Variants in CCT6A observed in about 807,000 individuals in gnomAD.
CCT6A encodes chaperonin containing TCP1 subunit 6A.
A neutral mutation model predicts 58.6 loss-of-function variants in CCT6A; 6 were observed. The ratio of observed to expected loss-of-function variants is 0.10; its 90% CI spans 0.06 to 0.20. CCT6A has a LOEUF of 0.20. Among genes scored for constraint, CCT6A ranks in the 10% least tolerant of loss-of-function variants. The pLI, the probability that CCT6A is intolerant of heterozygous loss-of-function variation, is 1.00. For synonymous variants in CCT6A, 245 were observed against 227.8 expected (o/e 1.08, Z -0.68); for missense variants, 516 against 648.8 (o/e 0.80, Z 2.22).
At chr7:56,057,491 A>G (rs551415607) in intron 5 of CCT6A, among the ~76,000 whole-genome samples, 1 of 152,182 alleles carries the variant, frequency 6.6e-6, no homozygotes, top group South Asian at 2.1e-4. Flanking sequence ...GGTGCTTGGT[A>G]GAAAACATGT....
At chr7:56,062,231 G>A (rs1254398766) in intron 12 of CCT6A, among the ~76,000 whole-genome samples, 1 of 152,204 alleles carries the variant, frequency 6.6e-6, no homozygotes, top group Non-Finnish European at 1.5e-5. Flanking sequence ...CAGAAAAGGG[G>A]ATGTAGAAAT....
chr7:56,052,017 G>A (rs1015559536), intron 1 of CCT6A, 32 bp downstream of exon 1: 1 of 1,420,654 alleles, frequency 7.0e-7, no homozygotes, highest in Non-Finnish European at 9.2e-7. Flanking sequence ...GGGCCGGGCG[G>A]GCACCGCGCG....
intron 11 of CCT6A, 38 bp from the exon 12 acceptor site, chr7:56,061,694 TACTATCAGTTATTAG>T: frequency 2.4e-6 from 1 of 409,622 alleles, no homozygotes; most frequent in Non-Finnish European, 4.4e-6. Context: ...TTTTTTTTTT[TACTATCAGTTATTAG>T]TTCCTGTTTT....
rs993011198 is a variant in CCT6A at position 56,063,714 on chromosome 7, T to A, written c.*629T>A. 2 of 156,850 alleles carry A rather than the reference T, an allele frequency of 1.3e-5. No homozygotes were observed. Among genetic ancestry groups the A allele is most frequent in the Non-Finnish European group, 2.8e-5 (2 of 71,088 alleles). 9.7% of individuals were successfully genotyped at this position (156,850 alleles called of 1,614,324 possible). ...AGAACAGGCAGAGGTAAAAAGATGA[T>A]GGAAGGTGTGGTGACTAAGGGCCAC... On this transcript the variant is annotated 3_prime_UTR_variant, in exon 14 of 14. Coordinates refer to ENST00000275603, the MANE Select transcript of CCT6A (RefSeq NM_001762.4).
At chr7:56,061,295 G>T (rs975706782) in intron 11 of CCT6A, among the ~76,000 whole-genome samples, 2 of 151,678 alleles carry the variant, frequency 1.3e-5, no homozygotes, top group Non-Finnish European at 2.9e-5. Context: ...TGGGTTTGGG[G>T]TAGTTGAGAG....
In CCT6A at chr7:56,058,486, G is replaced by A. The variant is rs766996972; in HGVS notation, c.850G>A (p.Asp284Asn). ...IIELKRKVCGDSDKGFVVINQ... is the reference protein window; with the variant it reads ...IIELKRKVCGNSDKGFVVINQ... ...AGAACTGAAAAGGAAAGTCTGTGGC[G>A]ATTCAGATAAAGGATTTGTTGTTAT... The change falls in exon 7 of 14, where the codon GAT becomes AAT. Residue 284 changes from aspartate to asparagine, a missense_variant. This residue lies in a region of CCT6A where 315 missense variants were observed against 389.4 expected (regional missense o/e 0.81). Transcript: ENST00000275603. 8.8e-6 allele frequency: 14 copies of A among 1,595,678 alleles called. No individual in the cohort carries two copies. Among genetic ancestry groups the A allele is most frequent in the Admixed American group, 7.4e-5 (4 of 54,106 alleles).
chr7:56,052,368 T>G, intron 1 of CCT6A, 54 bp from the exon 2 acceptor site: 1 of 1,527,392 alleles, frequency 6.5e-7, no homozygotes, highest in African/African-American at 1.4e-5. Context: ...CTAATGGGAC[T>G]TTTAGTTATC....
intron 11 of CCT6A, 125 bp downstream of exon 11, chr7:56,061,065 T>A: frequency 9.9e-7 from 1 of 1,006,784 alleles, no homozygotes; most frequent in Non-Finnish European, 1.4e-6. Flanking sequence ...TTTCTGACTC[T>A]AGAACAGGTA....
Position 56,060,378 on chromosome 7 carries a change from G to A in CCT6A, c.1175G>A (p.Arg392Lys). The change falls in exon 10 of 14, where the codon AGG becomes AAG. Residue 392 changes from arginine to lysine, a missense_variant. By Grantham distance (26) the Arg-to-Lys change is conservative. This residue lies in a region of CCT6A where 315 missense variants were observed against 389.4 expected (regional missense o/e 0.81). Coordinates refer to ENST00000275603, the MANE Select transcript of CCT6A (RefSeq NM_001762.4). ...HTLTQIKDAVRDGLRAVKNAI... is the reference protein window; with the variant it reads ...HTLTQIKDAVKDGLRAVKNAI... ...CTCACTCAGATCAAAGATGCAGTGA[G>A]GGACGGCTTGAGGGCTGTCAAAAAT... 1 of 1,614,086 alleles carries A rather than the reference G, an allele frequency of 6.2e-7. No individual in the cohort carries two copies. Among genetic ancestry groups the A allele is most frequent in the Non-Finnish European group, 8.5e-7 (1 of 1,179,968 alleles).
chr7:56,060,671 C>T (rs1338867164), intron 10 of CCT6A, 136 bp from the exon 11 acceptor site: 1 of 1,180,406 alleles, frequency 8.5e-7, no homozygotes, highest in African/African-American at 1.5e-5. Context: ...GAACCATTCT[C>T]CTATTTGGTA....
chr7:56,060,213 C>G, intron 9 of CCT6A, 56 bp from the exon 10 acceptor site: 2 of 1,496,722 alleles, frequency 1.3e-6, no homozygotes, highest in Non-Finnish European at 1.9e-6. Context: ...AGTCCCTCTT[C>G]TCTCTTCACT....
At chr7:56,058,274 G>T (rs1216809254) in intron 6 of CCT6A, 88 bp from the exon 7 acceptor site, 2 of 1,032,614 alleles carry the variant, frequency 1.9e-6, no homozygotes, top group East Asian at 2.5e-5. Flanking sequence ...GGAGCTCAGT[G>T]AACTGTTAAA....
chr7:56,059,618 G>T lies in CCT6A; in HGVS notation c.1043G>T (p.Gly348Val), dbSNP rs906209935. The change falls in exon 9 of 14, where the codon GGA becomes GTA. Residue 348 changes from glycine to valine, a missense_variant. Coordinates refer to ENST00000275603, the MANE Select transcript of CCT6A (RefSeq NM_001762.4). ...DLSPDCLGHA[G>V]LVYEYTLGEE... ...AGTCCTGACTGCTTGGGACATGCAG[G>T]ACTTGTATATGAGTATACATTGGTA... 6.4e-7 allele frequency: 1 copy of T among 1,559,846 alleles called. No individual in the cohort carries two copies. The highest frequency in any genetic ancestry group is 8.8e-7 in the Non-Finnish European group (1 of 1,130,748).
chr7:56,063,076 G>A lies in CCT6A; in HGVS notation c.1587G>A (p.Leu529=). 1 of 1,605,852 alleles carries A rather than the reference G, an allele frequency of 6.2e-7. No homozygotes were observed. The highest frequency in any genetic ancestry group is 8.5e-7 in the Non-Finnish European group (1 of 1,172,542). Residue 529 remains leucine, a synonymous_variant, in exon 14 of 14, where the codon CTG becomes CTA. Transcript: ENST00000275603. ...DEIMRAGMSS[L]KG is the part of the protein sequence containing the mutation. ...TCATGCGAGCTGGAATGTCTTCTCT[G>A]AAAGGTTGAATTGAAGCTTCCTCTG...
At position 56,063,793 on chromosome 7, in the gene CCT6A, A is replaced by G; in HGVS notation, c.*708A>G. 1 of 159,834 alleles carries G rather than the reference A, an allele frequency of 6.3e-6. No homozygotes were observed. Among genetic ancestry groups the G allele is most frequent in the Non-Finnish European group, 1.4e-5 (1 of 72,844 alleles). 9.9% of individuals were successfully genotyped at this position (159,834 alleles called of 1,614,324 possible). On this transcript the variant is annotated 3_prime_UTR_variant, in exon 14 of 14. Coordinates refer to ENST00000275603, the MANE Select transcript of CCT6A (RefSeq NM_001762.4). ...GCCAACTGTATTTTCAAGCTTCTGAACTTAGGCAAAATATTCATCGCAAAG... is the reference window on the plus strand; with the variant it reads ...GCCAACTGTATTTTCAAGCTTCTGAGCTTAGGCAAAATATTCATCGCAAAG...
At chr7:56,055,854 A>G (rs1794293794) in intron 4 of CCT6A, 57 bp downstream of exon 4, 11 of 1,288,810 alleles carry the variant, frequency 8.5e-6, no homozygotes, top group Non-Finnish European at 1.1e-5. Context: ...AAAATCTCTG[A>G]TAGTAGAAAC....
Position 56,061,820 on chromosome 7 carries a change from G to A in CCT6A, c.1421G>A (p.Gly474Asp), listed in dbSNP as rs1794447079. ...ATTCAAGCAGAACATTCAGAATCAG[G>A]TCAGCTTGTGGGTGTGGACCTGAAC... ...VKIQAEHSES[G>D]QLVGVDLNTG... is the part of the protein sequence containing the mutation. The change falls in exon 12 of 14, where the codon GGT becomes GAT. Residue 474 changes from glycine (G) to aspartate (D), a missense_variant. Coordinates refer to ENST00000275603, the MANE Select transcript of CCT6A (RefSeq NM_001762.4). 6.2e-7 allele frequency: 1 copy of A among 1,606,786 alleles called. No homozygotes were observed. Among genetic ancestry groups the A allele is most frequent in the Non-Finnish European group, 8.5e-7 (1 of 1,176,158 alleles).
At chr7:56,055,148 C>T (rs772673452) in intron 3 of CCT6A, among the ~76,000 whole-genome samples, 2 of 152,146 alleles carry the variant, frequency 1.3e-5, no homozygotes, top group African/African-American at 4.8e-5. Flanking sequence ...GTGGTGCATG[C>T]CTGTAATCCC....
At chr7:56,060,215 C>A in intron 9 of CCT6A, 54 bp from the exon 10 acceptor site, 1 of 1,515,674 alleles carries the variant, frequency 6.6e-7, no homozygotes, top group Non-Finnish European at 9.1e-7. Context: ...TCCCTCTTCT[C>A]TCTTCACTCT....
Sources: gnomAD v4.1 joint callset for allele counts (sites outside exome capture counted in the v4.1 genomes callset) on GRCh38, gnomAD v4.1.1 for gene constraint, gnomAD v4.1.1 regional missense constraint, MANE v1.5 for transcripts, NCBI Gene and HGNC (gene_info 2026-07-23, HGNC 2026-07-21) for gene names.